Variants in PPP2R2C observed in about 807,000 individuals in gnomAD.
PPP2R2C encodes protein phosphatase 2, regulatory subunit B, gamma.
A neutral mutation model predicts 45.3 loss-of-function variants in PPP2R2C; 10 were observed. The observed-to-expected ratio is 0.22, with a 90% CI of 0.14 to 0.37. PPP2R2C has a LOEUF of 0.37. Ranked by LOEUF, PPP2R2C falls within the 10% of genes least tolerant of loss-of-function variation. PPP2R2C has a pLI of 1.00. For synonymous variants in PPP2R2C, 257 were observed against 245.4 expected (o/e 1.05, Z -0.44); for missense variants, 308 against 619.7 (o/e 0.50, Z 5.34).
rs1026917508 is a variant in PPP2R2C, at chr4:6,332,180, C to A, written c.960+1382G>T. Among the ~76,000 whole-genome samples the A allele has an allele frequency of 6.6e-6, 1 of 152,096 alleles. No individual in the cohort carries two copies. Among genetic ancestry groups the A allele is most frequent in the African/African-American group, 2.4e-5 (1 of 41,402 alleles). ...GACCTCAGGGATGGAGGTAAGTGAC[C>A]GGACAAGGGGCCGGAGGGGGTTGGA... On this transcript the variant is annotated intron_variant, in intron 7 of 8. Transcript: ENST00000382599. The surrounding 1 kb of genome is among the most constrained non-coding windows in gnomAD (Gnocchi z 4.9).
intron 1 of PPP2R2C, 65 bp downstream of exon 1, chr4:6,472,095 A>T: frequency 6.2e-7 from 1 of 1,602,192 alleles, no homozygotes; most frequent in Non-Finnish European, 8.5e-7. Flanking sequence ...TTCGGAGGGC[A>T]TTCGGTGCGA....
rs138345603 is a variant in PPP2R2C, at chr4:6,333,096, C to T, written c.960+466G>A. ...TCACCTAGACTCCAGGCTTATAGGC[C>T]TGTGCTGAGGATCTGGAAAGGAAAC... On this transcript the variant is annotated intron_variant, in intron 7 of 8. Coordinates refer to ENST00000382599, the MANE Select transcript of PPP2R2C (RefSeq NM_020416.4). Among the ~76,000 whole-genome samples the T allele has an allele frequency of 6.8e-3, 1,033 of 152,346 alleles. 10 individuals are homozygous for T. Among genetic ancestry groups the T allele is most frequent in the African/African-American group, 0.023 (949 of 41,566 alleles).
chr4:6,413,957 C>T lies in PPP2R2C; in HGVS notation c.71-32863G>A, dbSNP rs1299699246. ...GTTATACTCAATCAGAATGAGGCTG[C>T]TCCCTGGTGGCTCTGCAGTTGGCTA... On this transcript the variant is annotated intron_variant, in intron 1 of 8. Coordinates refer to ENST00000382599, the MANE Select transcript of PPP2R2C (RefSeq NM_020416.4). The T allele has an allele frequency of 5.9e-6, 9 of 1,535,974 alleles. No individual in the cohort carries two copies. In the Admixed American group the frequency reaches 7.8e-5, roughly 13 times the overall value.
chr4:6,562,288 C>T (rs544051734), intron 1 of PPP2R2C, among the ~76,000 whole-genome samples: 2 of 152,312 alleles, frequency 1.3e-5, no homozygotes, highest in South Asian at 4.1e-4. Flanking sequence ...CTCCATGTTG[C>T]TGACAGTGTC....
At chr4:6,348,065 C>G (rs1712170882) in intron 5 of PPP2R2C, 55 bp from the exon 6 acceptor site, 7 of 1,586,346 alleles carry the variant, frequency 4.4e-6, no homozygotes, top group African/African-American at 1.3e-5. Flanking sequence ...AATGCTCCGC[C>G]TTCCCGGAGG....
chr4:6,454,434 G>A (rs968270643), intron 1 of PPP2R2C, among the ~76,000 whole-genome samples: 2 of 152,146 alleles, frequency 1.3e-5, no homozygotes, highest in Admixed American at 1.3e-4. Context: ...CTTGATTCGG[G>A]AAAGCCAGCT....
intron 1 of PPP2R2C, chr4:6,555,419 T>A (rs888057147): frequency 1.3e-5 from 2 of 152,278 alleles, no homozygotes; most frequent in Non-Finnish European, 2.9e-5. Context: ...TATAAGCCAG[T>A]GAAGGGCTCC....
At chr4:6,424,611 A>G (rs1049395712) in intron 1 of PPP2R2C, among the ~76,000 whole-genome samples, 8 of 152,204 alleles carry the variant, frequency 5.3e-5, no homozygotes, top group Admixed American at 2.0e-4. Flanking sequence ...ACAGGAGACC[A>G]GCCAATGCCT....
At chr4:6,501,648 G>C (rs1293622804) in intron 2 of PPP2R2C, among the ~76,000 whole-genome samples, 1 of 152,204 alleles carries the variant, frequency 6.6e-6, no homozygotes, top group Non-Finnish European at 1.5e-5. Context: ...GAAGCAATGG[G>C]GGAAAGGAGG....
At chr4:6,459,093 A>G (rs952912198) in intron 1 of PPP2R2C, among the ~76,000 whole-genome samples, 4 of 152,186 alleles carry the variant, frequency 2.6e-5, no homozygotes, top group Non-Finnish European at 1.5e-5. Flanking sequence ...AATGGCTTCA[A>G]GCAGAAACCA....
chr4:6,486,581 G>T (rs1722536885), intron 2 of PPP2R2C, among the ~76,000 whole-genome samples: 1 of 151,944 alleles, frequency 6.6e-6, no homozygotes, highest in Admixed American at 6.5e-5. Context: ...TTAATTAATT[G>T]TTCCCTTTAT....
At chr4:6,373,900 CATGT>C (rs746963116) in intron 4 of PPP2R2C, among the ~76,000 whole-genome samples, 195 of 123,882 alleles carry the variant, frequency 1.6e-3, no homozygotes, top group African/African-American at 3.8e-3. Flanking sequence ...TATGTGCATG[CATGT>C]GTGTGTGTGT....
chr4:6,413,397 TC>T (rs757092680), intron 1 of PPP2R2C, among the ~76,000 whole-genome samples: 1 of 152,268 alleles, frequency 6.6e-6, no homozygotes, highest in Non-Finnish European at 1.5e-5. Context: ...AACTGCCTGT[TC>T]CTTCAGCTAC....
intron 1 of PPP2R2C, among the ~76,000 whole-genome samples, chr4:6,404,359 C>A (rs1159014699): frequency 6.6e-6 from 1 of 152,174 alleles, no homozygotes; most frequent in Non-Finnish European, 1.5e-5. Context: ...GCCAAGAAGG[C>A]AGCTACTTGC....
rs531057532 is a variant in PPP2R2C, at chr4:6,551,549, G to A, written c.-59+12011C>T. 1.1e-3 allele frequency among the ~76,000 whole-genome samples: 171 copies of A among 152,322 alleles called. 3 individuals carry two copies. The highest frequency in any genetic ancestry group is 7.9e-3 in the South Asian group (38 of 4,826). ...TGTGACCCACTCAACCAAGAGCCTA[G>A]CAGAAATGAAGCTCTGGGACACCAA... On this transcript the variant is annotated intron_variant, in intron 1 of 9. Transcript: ENST00000506140.
chr4:6,326,543 G>T (rs1731956965), intron 8 of PPP2R2C, among the ~76,000 whole-genome samples: 1 of 152,198 alleles, frequency 6.6e-6, no homozygotes. Flanking sequence ...GGAAGGGCAG[G>T]CCTGCCAATA....
Position 6,331,797 on chromosome 4 carries a change from C to A in PPP2R2C, c.960+1765G>T, listed in dbSNP as rs1007516566. The stretch of plus-strand genomic sequence containing the variant: ...CGCTGCCGGGGTCATGGAGCCCCCC[C>A]ACCTTCCTGGACTGCCCTCTCCAGA... On this transcript the variant is annotated intron_variant, in intron 7 of 8. Coordinates refer to ENST00000382599, the MANE Select transcript of PPP2R2C (RefSeq NM_020416.4). This position sits in a 1 kb window ranked among gnomAD's most constrained non-coding sequence, Gnocchi z 5.9. 6.6e-6 allele frequency among the ~76,000 whole-genome samples: 1 copy of A among 152,144 alleles called. No individual in the cohort carries two copies. The highest frequency in any genetic ancestry group is 2.4e-5 in the African/African-American group (1 of 41,420).
chr4:6,446,120 T>C (rs550464518), intron 1 of PPP2R2C, among the ~76,000 whole-genome samples: 2 of 152,312 alleles, frequency 1.3e-5, no homozygotes, highest in East Asian at 3.9e-4. Flanking sequence ...ACAGTGGCAC[T>C]TATCCTTATG....
At chr4:6,423,897 G>A (rs13152451) in intron 1 of PPP2R2C, among the ~76,000 whole-genome samples, 72,900 of 151,012 alleles carry the variant, frequency 0.48, 18,975 homozygotes, top group Non-Finnish European at 0.61. Context: ...TGTTTTGAGA[G>A]TGTGTTAGGG....
Sources: gnomAD v4.1 joint callset for allele counts (sites outside exome capture counted in the v4.1 genomes callset) on GRCh38, gnomAD v4.1.1 for gene constraint, Gnocchi (gnomAD v3.1) non-coding constraint, MANE v1.5 for transcripts, NCBI Gene and HGNC (gene_info 2026-07-23, HGNC 2026-07-21) for gene names.